The following RLF variants were observed in gnomAD, a reference collection of about 807,000 sequenced individuals.
RLF encodes RLF zinc finger, also known as zinc finger protein Rlf.
In RLF, 7 loss-of-function variants were observed where a neutral mutation model predicts 162.9. The observed-to-expected ratio is 0.04, with a 90% CI of 0.02 to 0.08. The LOEUF is 0.08. RLF is among the 10% of genes least tolerant of loss of function. The pLI is 1.00. For synonymous variants in RLF, 782 were observed against 791.5 expected (o/e 0.99, Z 0.20); for missense variants, 1,664 against 2,244.7 (o/e 0.74, Z 5.23).
At chr1:40,232,169 C>G (rs973105691) in intron 7 of RLF, among the ~76,000 whole-genome samples, 7 of 150,346 alleles carry the variant, frequency 4.7e-5, no homozygotes, top group African/African-American at 1.7e-4. Flanking sequence ...GATTGCACTG[C>G]TGCACTCCAG....
Position 40,240,579 on chromosome 1 carries a change from A to G in RLF, c.*132A>G. The G allele has an allele frequency of 3.1e-6, 2 of 650,582 alleles. No individual in the cohort carries two copies. Among genetic ancestry groups the G allele is most frequent in the Non-Finnish European group, 5.4e-6 (2 of 370,106 alleles). The allele number at this position is 650,582 out of a possible 1,614,324, so 40.3% of individuals were successfully genotyped here. A position where few individuals can be genotyped will look rare whatever the true frequency, so the allele number is the denominator to read the frequency against. On this transcript the variant is annotated 3_prime_UTR_variant, in exon 8 of 8. Transcript: ENST00000372771. ...ATAGGCTGTGTATTTACATGAATGT[A>G]TAATATCTATGTCAGCAGTATTGGC...
chr1:40,191,557 A>G (rs1416268305), intron 3 of RLF, among the ~76,000 whole-genome samples: 1 of 151,778 alleles, frequency 6.6e-6, no homozygotes, highest in East Asian at 1.9e-4. Context: ...AAAAAAAGAC[A>G]TAATAAATAA....
intron 7 of RLF, among the ~76,000 whole-genome samples, chr1:40,232,621 T>A (rs1643166412): frequency 6.6e-6 from 1 of 152,222 alleles, no homozygotes; most frequent in Non-Finnish European, 1.5e-5. Context: ...TGCTAGAAGC[T>A]ACACTCAGTC....
chr1:40,235,069 T>C (rs1643199782), intron 7 of RLF, among the ~76,000 whole-genome samples: 1 of 149,628 alleles, frequency 6.7e-6, no homozygotes, highest in Non-Finnish European at 1.5e-5. Context: ...TTTTTTTTTT[T>C]TTTTTTTTTG....
intron 1 of RLF, among the ~76,000 whole-genome samples, chr1:40,169,695 CT>C (rs202079055): frequency 0.012 from 1,572 of 132,106 alleles, 23 homozygotes; most frequent in African/African-American, 0.035. Flanking sequence ...TTGGGATAAG[CT>C]TTTTTTTTTT....
chr1:40,196,880 A>G (rs1411226865), intron 4 of RLF, among the ~76,000 whole-genome samples: 2 of 152,364 alleles, frequency 1.3e-5, no homozygotes, highest in East Asian at 3.9e-4. Context: ...TGCATTTTAG[A>G]TCACAAAAGT....
Position 40,222,676 on chromosome 1 carries a change from C to G in RLF, c.913C>G (p.Gln305Glu). 6.2e-7 allele frequency: 1 copy of G among 1,613,360 alleles called. No individual in the cohort carries two copies. Among genetic ancestry groups the G allele is most frequent in the Non-Finnish European group, 8.5e-7 (1 of 1,179,824 alleles). ...AFVLCTTYLT[Q>E]QLQTASVYCS... is the part of the protein sequence containing the mutation. ...TGTTCTTTGTACGACTTACCTTACC[C>G]AGCAGCTCCAAACTGCAAGTGTATA... The change falls in exon 6 of 8, where the codon CAG becomes GAG. Residue 305 changes from glutamine to glutamate, a missense_variant. Transcript: ENST00000372771.
chr1:40,204,421 T>C (rs1270319942), intron 5 of RLF, among the ~76,000 whole-genome samples: 2 of 152,000 alleles, frequency 1.3e-5, no homozygotes, highest in African/African-American at 4.8e-5. Context: ...CAAATTTACA[T>C]GGAGAAAAAT....
At chr1:40,180,019 G>T (rs549223712) in intron 1 of RLF, among the ~76,000 whole-genome samples, 1 of 151,904 alleles carries the variant, frequency 6.6e-6, no homozygotes, top group South Asian at 2.1e-4. Context: ...CCTCCTTTTG[G>T]CTATTGTAAA....
At chr1:40,227,039 A>G (rs778458228) in intron 6 of RLF, among the ~76,000 whole-genome samples, 4 of 151,904 alleles carry the variant, frequency 2.6e-5, no homozygotes, top group Non-Finnish European at 4.4e-5. Context: ...AATTTTTTAT[A>G]TTTTTAGTAG....
intron 1 of RLF, among the ~76,000 whole-genome samples, chr1:40,168,125 G>T (rs1193880440): frequency 6.6e-6 from 1 of 152,088 alleles, no homozygotes; most frequent in Non-Finnish European, 1.5e-5. Flanking sequence ...TGAGGCAGGA[G>T]GATCACTTGC....
intron 1 of RLF, among the ~76,000 whole-genome samples, chr1:40,182,515 G>T (rs1642417406): frequency 6.6e-6 from 1 of 152,010 alleles, no homozygotes; most frequent in Admixed American, 6.6e-5. Context: ...TCTGGGTGGT[G>T]GTATTATGGG....
intron 5 of RLF, among the ~76,000 whole-genome samples, chr1:40,203,006 TA>T (rs1235311035): frequency 2.0e-5 from 3 of 151,992 alleles, no homozygotes; most frequent in Non-Finnish European, 4.4e-5. Context: ...TTACTTTATA[TA>T]TTTAATTTTG....
intron 6 of RLF, among the ~76,000 whole-genome samples, chr1:40,223,447 A>G (rs745553211): frequency 6.6e-6 from 1 of 152,184 alleles, no homozygotes; most frequent in Non-Finnish European, 1.5e-5. Context: ...GGAGGAAGTA[A>G]TATTTGAGAT....
rs1280268563 is a variant in RLF, at chr1:40,169,669, T to A, written c.237+8033T>A. Among the ~76,000 whole-genome samples the A allele has an allele frequency of 2.0e-5, 3 of 150,256 alleles. No homozygotes were observed. The East Asian group carries it at 5.8e-4, about 29-fold the overall frequency. On this transcript the variant is annotated intron_variant, in intron 1 of 7. Coordinates refer to ENST00000372771, the MANE Select transcript of RLF (RefSeq NM_012421.4). ...AATAAGTGCTTCTTGAAATAAGGGT[T>A]CTATGTTCATATAAGTTGGGATAAG...
chr1:40,205,381 G>A (rs1642777010), intron 5 of RLF, among the ~76,000 whole-genome samples: 1 of 151,578 alleles, frequency 6.6e-6, no homozygotes, highest in African/African-American at 2.4e-5. Context: ...CGCTGCTTTA[G>A]ATCCTGTTTC....
At chr1:40,182,111 T>C (rs1330785271) in intron 1 of RLF, among the ~76,000 whole-genome samples, 1 of 152,170 alleles carries the variant, frequency 6.6e-6, no homozygotes, top group Non-Finnish European at 1.5e-5. Flanking sequence ...AGCATGATTC[T>C]ATTAAAATGT....
intron 7 of RLF, among the ~76,000 whole-genome samples, chr1:40,234,198 C>T (rs1643188848): frequency 6.6e-6 from 1 of 152,182 alleles, no homozygotes; most frequent in South Asian, 2.1e-4. Context: ...GATGTGCCTG[C>T]CTCGGCCTCC....
chr1:40,188,403 C>T (rs1240248451), intron 1 of RLF, among the ~76,000 whole-genome samples: 6 of 152,162 alleles, frequency 3.9e-5, no homozygotes, highest in African/African-American at 1.4e-4. Context: ...ATAGGGTACC[C>T]TGTGTGGTAA....
Sources: allele counts gnomAD v4.1 joint callset (sites outside exome capture counted in the v4.1 genomes callset), GRCh38; gene constraint gnomAD v4.1.1; transcripts MANE v1.5; gene names NCBI Gene and HGNC (gene_info 2026-07-23, HGNC 2026-07-21).